DCBLD2: variants seen among roughly 807,000 people sequenced by gnomAD.
DCBLD2 encodes the protein discoidin, CUB and LCCL domain containing 2.
In DCBLD2, 54 loss-of-function variants were observed where a neutral mutation model predicts 86.8. The observed-to-expected ratio is 0.62, with a 90% confidence interval of 0.50 to 0.78. The LOEUF is 0.78. Ranked by LOEUF, DCBLD2 falls within the 30% of genes least tolerant of loss-of-function variation. The probability of loss-of-function intolerance (pLI) is 0.00; values close to 1 mark genes in which losing one functional copy is unlikely to be tolerated. For missense variants in DCBLD2, 908 were observed against 954.2 expected, an observed-to-expected ratio of 0.95 and a Z score of 0.64; for synonymous variants, 354 against 341.3, an observed-to-expected ratio of 1.04 and a Z score of -0.41.
chr3:98,816,889 C>G (rs1481226679), intron 9 of DCBLD2, among the ~76,000 whole-genome samples: 1 of 152,120 alleles, frequency 6.6e-6, no homozygotes, highest in Non-Finnish European at 1.5e-5. Flanking sequence ...TCAGGTGATT[C>G]TCCCACCTCA....
At chr3:98,823,692 A>G (rs9845558) in intron 4 of DCBLD2, among the ~76,000 whole-genome samples, 66,240 of 152,176 alleles carry the variant, frequency 0.44, 14,611 homozygotes, top group African/African-American at 0.46. Context: ...AAGTAACACA[A>G]TAATTCAGTA....
intron 13 of DCBLD2, among the ~76,000 whole-genome samples, chr3:98,804,197 G>A (rs896077431): frequency 6.6e-6 from 1 of 152,146 alleles, no homozygotes; most frequent in African/African-American, 2.4e-5. Context: ...TGGTTGGTAG[G>A]CTATTAATTA....
intron 8 of DCBLD2, among the ~76,000 whole-genome samples, chr3:98,818,594 T>C (rs1255490237): frequency 6.6e-6 from 1 of 152,166 alleles, no homozygotes; most frequent in Non-Finnish European, 1.5e-5. Flanking sequence ...GAGATTAACA[T>C]TTGAGTCAGT....
chr3:98,900,557 G>A (rs1302671083), intron 1 of DCBLD2, among the ~76,000 whole-genome samples: 1 of 152,112 alleles, frequency 6.6e-6, no homozygotes, highest in Non-Finnish European at 1.5e-5. Context: ...TTAGCATAGC[G>A]TTGGGTCAGA....
At chr3:98,887,333 A>C (rs1943581413) in intron 1 of DCBLD2, among the ~76,000 whole-genome samples, 1 of 152,022 alleles carries the variant, frequency 6.6e-6, no homozygotes, top group Admixed American at 6.6e-5. Context: ...AGTAAGTTGC[A>C]ACTGTTAACT....
At chr3:98,844,947 T>TAGA (rs1942692171) in intron 3 of DCBLD2, among the ~76,000 whole-genome samples, 1 of 152,196 alleles carries the variant, frequency 6.6e-6, no homozygotes, top group Non-Finnish European at 1.5e-5. Context: ...ATGAGGACTA[T>TAGA]AGATGTGGTT....
chr3:98,873,260 A>G (rs909384255), intron 2 of DCBLD2, among the ~76,000 whole-genome samples: 7 of 152,166 alleles, frequency 4.6e-5, no homozygotes, highest in Non-Finnish European at 1.0e-4. Flanking sequence ...AAAGAACCAC[A>G]CCAAATAGGA....
At chr3:98,870,654 GAA>G (rs1420326757) in intron 2 of DCBLD2, among the ~76,000 whole-genome samples, 6 of 106,950 alleles carry the variant, frequency 5.6e-5, no homozygotes, top group Non-Finnish European at 1.0e-4. Context: ...AAGAGATAGA[GAA>G]AGAGAGAGAG....
At chr3:98,837,394 C>T (rs1222719090) in intron 3 of DCBLD2, among the ~76,000 whole-genome samples, 1 of 4,142 alleles carries the variant, frequency 2.4e-4, no homozygotes, top group Non-Finnish European at 3.8e-3. Context: ...CCTCACCTCC[C>T]GGACGGGGTG....
intron 13 of DCBLD2, among the ~76,000 whole-genome samples, chr3:98,805,917 G>C (rs546191323): frequency 6.6e-6 from 1 of 152,100 alleles, no homozygotes; most frequent in Non-Finnish European, 1.5e-5. Context: ...GTAAGAGCAC[G>C]ATCTCTCAAG....
rs769962355 is a variant in DCBLD2 at position 98,799,798 on chromosome 3, A to C, written c.1902T>G (p.His634Gln). The C allele has an allele frequency of 6.2e-7, 1 of 1,613,760 alleles. No homozygotes were observed. The highest frequency in any genetic ancestry group is 8.5e-7 in the Non-Finnish European group (1 of 1,179,782). The change falls in exon 16 of 16, where the codon CAT (histidine) becomes CAG (glutamine). Residue 634 changes from histidine to glutamine, a missense_variant. Coordinates refer to ENST00000326840, the MANE Select transcript of DCBLD2 (RefSeq NM_080927.4). ...CTTCTGGTTTAAAGGTAGATCTTTG[A>C]TGAAGTGTACCAACAATTCCTCCTA... ...PLVGGIVGTLHQRSTFKPEEG... is the reference protein window; with the variant it reads ...PLVGGIVGTLQQRSTFKPEEG...
At chr3:98,843,579 CAT>C (rs1241834412) in intron 3 of DCBLD2, among the ~76,000 whole-genome samples, 6 of 151,980 alleles carry the variant, frequency 3.9e-5, no homozygotes, top group Non-Finnish European at 2.9e-5. Context: ...TTTGCAAACT[CAT>C]ATAATCTGAT....
chr3:98,811,589 G>T, intron 10 of DCBLD2, 35 bp from the exon 11 acceptor site: 1 of 1,527,846 alleles, frequency 6.5e-7, no homozygotes, highest in Admixed American at 2.3e-5. Context: ...TAAACATTTT[G>T]TTTTTAAAAA....
Position 98,808,399 on chromosome 3 carries a change from T to A in DCBLD2, c.1577-225A>T, listed in dbSNP as rs550588486. ...ATTCCATCTGTGTAGAGATGTGAAA[T>A]TTTCCTAAATTTTTAAATCACTAAA... is the stretch of plus-strand genomic sequence containing the variant. On this transcript the variant is annotated intron_variant, in intron 12 of 15. Transcript: ENST00000326840. 4.8e-3 allele frequency among the ~76,000 whole-genome samples: 737 copies of A among 152,294 alleles called. 5 individuals are homozygous for A. Among genetic ancestry groups the A allele is most frequent in the Non-Finnish European group, 7.9e-3 (537 of 68,026 alleles).
intron 4 of DCBLD2, among the ~76,000 whole-genome samples, 163 bp from the exon 5 acceptor site, chr3:98,822,904 C>T (rs1269124459): frequency 6.6e-6 from 1 of 152,236 alleles, no homozygotes; most frequent in Non-Finnish European, 1.5e-5. Context: ...CGGAGTTTCA[C>T]TCTTGTCGCC....
chr3:98,886,808 C>T lies in DCBLD2; in HGVS notation c.206-5041G>A, dbSNP rs1369810917. On this transcript the variant is annotated intron_variant, in intron 1 of 15. Coordinates refer to ENST00000326840, the MANE Select transcript of DCBLD2 (RefSeq NM_080927.4). ...GATATTATTACAGGAAAACCCCCCC[C>T]CTTTTTTTTTTTTTTTTACTACTTA... is the stretch of plus-strand genomic sequence containing the variant. Among the ~76,000 whole-genome samples the T allele has an allele frequency of 8.8e-5, 11 of 125,312 alleles. No homozygotes were observed. The South Asian group carries it at 8.9e-4, about 10-fold the overall frequency. The allele number at this position is 125,312 out of a possible 152,430, so 82.2% of individuals were successfully genotyped here.
intron 9 of DCBLD2, among the ~76,000 whole-genome samples, chr3:98,816,904 C>A (rs1005576544): frequency 6.6e-6 from 1 of 152,234 alleles, no homozygotes; most frequent in Admixed American, 6.5e-5. Context: ...ACCTCAGCCT[C>A]CCAAGAAACT....
chr3:98,858,079 TCAGGCATGGCGGGCTG>T (rs900807241), intron 2 of DCBLD2, among the ~76,000 whole-genome samples: 2 of 152,198 alleles, frequency 1.3e-5, no homozygotes, highest in African/African-American at 2.4e-5. Context: ...GGGGGCAGGC[TCAGGCATGGCGGGCTG>T]CAGGTCCCGA....
At chr3:98,800,246 AGTAT>A (rs1358620690) in intron 15 of DCBLD2, among the ~76,000 whole-genome samples, 1 of 152,216 alleles carries the variant, frequency 6.6e-6, no homozygotes, top group Non-Finnish European at 1.5e-5. Flanking sequence ...GTTTAAAATA[AGTAT>A]GTACTAGGCT....
Sources: gnomAD v4.1 joint callset for allele counts (sites outside exome capture counted in the v4.1 genomes callset) on GRCh38, gnomAD v4.1.1 for gene constraint, MANE v1.5 for transcripts, NCBI Gene and HGNC (gene_info 2026-07-23, HGNC 2026-07-21) for gene names.